The following RGS3 variants were observed in gnomAD, a reference collection of about 807,000 sequenced individuals.
RGS3 encodes the protein regulator of G-protein signalling 3.
A neutral mutation model predicts 132.6 loss-of-function variants in RGS3; 80 were observed. That is an observed-to-expected ratio of 0.60 (90% CI 0.50 to 0.73). The LOEUF is 0.73. RGS3 is among the 30% of genes least tolerant of loss of function. The pLI, the probability that RGS3 is intolerant of heterozygous loss-of-function variation, is 0.00. For synonymous variants in RGS3, 598 were observed against 620.6 expected (o/e 0.96, Z 0.54); for missense variants, 1,382 against 1,530.8 (o/e 0.90, Z 1.62).
chr9:113,460,257 A>T, exon 1 of RGS3: 1 of 1,048,440 alleles, frequency 9.5e-7, no homozygotes, highest in Non-Finnish European at 1.3e-6. Context: ...GCAGTGGCTC[A>T]TGCCTGTAAT....
At chr9:113,485,482 T>G (rs1830303170) in intron 6 of RGS3, 143 bp from the exon 5 acceptor site, 1 of 603,474 alleles carries the variant, frequency 1.7e-6, no homozygotes, top group Non-Finnish European at 3.0e-6. Flanking sequence ...GGTAGTCATC[T>G]CTTACTTTAT....
chr9:113,575,732 A>G (rs556765461), intron 19 of RGS3, among the ~76,000 whole-genome samples: 1 of 152,338 alleles, frequency 6.6e-6, no homozygotes, highest in African/African-American at 2.4e-5. Context: ...TTGTCTCGTC[A>G]GTCAGAAAGA....
intron 7 of RGS3, among the ~76,000 whole-genome samples, chr9:113,486,377 G>A (rs560499721): frequency 9.2e-5 from 14 of 152,382 alleles, no homozygotes; most frequent in African/African-American, 2.9e-4. Context: ...AGCTAAGGCT[G>A]CCATGATGAG....
At chr9:113,568,776 G>A (rs1234589753) in intron 19 of RGS3, among the ~76,000 whole-genome samples, 1 of 152,234 alleles carries the variant, frequency 6.6e-6, no homozygotes, top group Non-Finnish European at 1.5e-5. Context: ...CCTAAGCCTG[G>A]AGAAGCTGGA....
chr9:113,463,842 C>A lies in RGS3; in HGVS notation c.415+1641C>A. The stretch of plus-strand genomic sequence containing the variant: ...GCACCGCGTCTCCCTCGGGAGCCGG[C>A]GTGCCCACCCGGACTTGTCCTTCTA... On this transcript the variant is annotated intron_variant, in intron 3 of 24. Transcript: ENST00000350696. This position sits in a 1 kb window ranked among gnomAD's most constrained non-coding sequence, Gnocchi z 4.6. The A allele has an allele frequency of 6.2e-7, 1 of 1,613,026 alleles. No homozygotes were observed. The highest frequency in any genetic ancestry group is 1.1e-5 in the South Asian group (1 of 91,014).
chr9:113,536,493 G>A lies in RGS3; in HGVS notation c.1915-303G>A, dbSNP rs986868120. 15 of 1,070,666 alleles carry A rather than the reference G, an allele frequency of 1.4e-5. No homozygotes were observed. The East Asian group carries it at 7.3e-4, about 52-fold the overall frequency. The allele number at this position is 1,070,666 out of a possible 1,614,324, so 66.3% of individuals were successfully genotyped here. A position where few individuals can be genotyped will look rare whatever the true frequency, so the allele number is the denominator to read the frequency against. On this transcript the variant is annotated intron_variant, in intron 18 of 24. Coordinates refer to ENST00000350696, the Ensembl canonical transcript of RGS3. ...TGCTGCTTTGTGCTGCCTGCCCCTGGGGGTGACCTCATCGGCTCTGTCCTG... is the reference window on the plus strand; with the variant it reads ...TGCTGCTTTGTGCTGCCTGCCCCTGAGGGTGACCTCATCGGCTCTGTCCTG...
chr9:113,490,582 G>A (rs1830472579), intron 7 of RGS3, among the ~76,000 whole-genome samples: 1 of 137,310 alleles, frequency 7.3e-6, no homozygotes, highest in African/African-American at 2.9e-5. Context: ...GAATTATAAT[G>A]TTATGTACTA....
chr9:113,586,033 C>T (rs1204481305), intron 20 of RGS3, among the ~76,000 whole-genome samples: 2 of 152,220 alleles, frequency 1.3e-5, no homozygotes, highest in Non-Finnish European at 2.9e-5. Flanking sequence ...TCCCCATACC[C>T]AGAACTCTGG....
At chr9:113,518,572 G>T (rs1831790114) in intron 16 of RGS3, among the ~76,000 whole-genome samples, 1 of 152,182 alleles carries the variant, frequency 6.6e-6, no homozygotes, top group Non-Finnish European at 1.5e-5. Context: ...GAAGCAGGAG[G>T]TTGGTTTGTT....
At chr9:113,535,233 G>A (rs994840586) in intron 18 of RGS3, among the ~76,000 whole-genome samples, 2 of 151,996 alleles carry the variant, frequency 1.3e-5, no homozygotes, top group African/African-American at 2.4e-5. Context: ...GGGTACAGTG[G>A]TGCGATCCTG....
At chr9:113,519,644 G>T (rs1248777324) in intron 16 of RGS3, among the ~76,000 whole-genome samples, 1 of 151,802 alleles carries the variant, frequency 6.6e-6, no homozygotes, top group Non-Finnish European at 1.5e-5. Flanking sequence ...TCTGATTGGT[G>T]CTTGAATCTT....
intron 19 of RGS3, among the ~76,000 whole-genome samples, chr9:113,544,135 C>A (rs1833009580): frequency 1.3e-5 from 2 of 152,176 alleles, no homozygotes; most frequent in African/African-American, 4.8e-5. Flanking sequence ...ACACAATGGC[C>A]TCTTTCCTGA....
At chr9:113,552,638 G>C (rs4979253) in intron 19 of RGS3, among the ~76,000 whole-genome samples, 86,606 of 151,982 alleles carry the variant, frequency 0.57, 25,473 homozygotes, top group East Asian at 0.82. Context: ...TTATAATTCA[G>C]TCCTTATCTT....
chr9:113,485,910 C>T (rs1005555530), intron 7 of RGS3, among the ~76,000 whole-genome samples: 1 of 152,206 alleles, frequency 6.6e-6, no homozygotes, highest in Non-Finnish European at 1.5e-5. Flanking sequence ...CACTCGGTAT[C>T]AAACAAGGCA....
At chr9:113,445,305 C>G in intron 1 of RGS3, among the ~76,000 whole-genome samples, 1 of 151,830 alleles carries the variant, frequency 6.6e-6, no homozygotes. Context: ...TCAAGCGATT[C>G]TCCTGCCTCA....
At chr9:113,562,688 ACC>A (rs1833845414) in intron 19 of RGS3, among the ~76,000 whole-genome samples, 1 of 151,700 alleles carries the variant, frequency 6.6e-6, no homozygotes, top group Non-Finnish European at 1.5e-5. Context: ...CCTAGATCTT[ACC>A]ACTCTCTAGA....
chr9:113,594,014 G>C (rs1023469113), intron 21 of RGS3: 3 of 1,612,952 alleles, frequency 1.9e-6, no homozygotes, highest in Non-Finnish European at 2.5e-6. Context: ...CCCCTTTCAC[G>C]GCTCCCTCTC....
chr9:113,583,298 A>G, intron 19 of RGS3, 152 bp from the exon 18 acceptor site: 20 of 1,368,116 alleles, frequency 1.5e-5, no homozygotes, highest in Non-Finnish European at 1.9e-5. Flanking sequence ...GCTAAGTCAA[A>G]GGGGCTTTGG....
intron 7 of RGS3, among the ~76,000 whole-genome samples, chr9:113,491,564 T>G (rs992031939): frequency 6.6e-6 from 1 of 150,956 alleles, no homozygotes; most frequent in African/African-American, 2.4e-5. Context: ...GACATAATCT[T>G]TTTTTTTTGA....
Sources: gnomAD v4.1 joint callset for allele counts (sites outside exome capture counted in the v4.1 genomes callset) on GRCh38, gnomAD v4.1.1 for gene constraint, Gnocchi (gnomAD v3.1) non-coding constraint, MANE v1.5 for transcripts, NCBI Gene and HGNC (gene_info 2026-07-23, HGNC 2026-07-21) for gene names.